The following IGSF10 variants were observed in gnomAD, a reference collection of about 807,000 sequenced individuals.
The protein encoded by IGSF10 is immunoglobulin superfamily member 10, also known as calvaria mechanical force protein 608.
Under a neutral mutation model 128.2 loss-of-function variants are expected in IGSF10, and 126 were observed. That is an observed-to-expected ratio of 0.98 (90% CI 0.85 to 1.14). The LOEUF (loss-of-function observed/expected upper bound fraction) is 1.14. Ranked by LOEUF, IGSF10 falls within the 50% of genes most tolerant of loss-of-function variation. IGSF10 has a pLI of 0.00. For synonymous variants in IGSF10, 1,185 were observed against 1,146.2 expected, an observed-to-expected ratio of 1.03 and a Z score of -0.68; for missense variants, 3,295 against 3,149.8, an observed-to-expected ratio of 1.05 and a Z score of -1.10.
chr3:151,534,289 C>A, the IGSF10 span, among the ~76,000 whole-genome samples: 1 of 152,160 alleles, frequency 6.6e-6, no homozygotes, highest in Non-Finnish European at 1.5e-5. Flanking sequence ...TTTGACCCAG[C>A]AATCCCATTA....
rs780601497 is a variant in IGSF10, at chr3:151,460,987, A to AGGTCCCGGGCTC, written c.-142_-131dup. On this transcript the variant is annotated 5_prime_UTR_variant, in exon 1 of 8. Transcript: ENST00000282466. The stretch of plus-strand genomic sequence containing the variant: ...CCAATGGGCTCGAGCTGCCCGGGCT[A>AGGTCCCGGGCTC]GGTCCCGGGCTCGGTCCCGGGCTCA... 1.8e-5 allele frequency: 18 copies of AGGTCCCGGGCTC among 984,528 alleles called. No individual in the cohort carries two copies. Among genetic ancestry groups the AGGTCCCGGGCTC allele is most frequent in the Admixed American group, 1.2e-4 (2 of 16,252 alleles). 61.0% of individuals were successfully genotyped at this position (984,528 alleles called of 1,614,324 possible).
rs140792799 is a variant in IGSF10 at position 151,436,752 on chromosome 3, G to A, written c.7809C>T (p.Tyr2603=). The change falls in exon 8 of 8, where the codon TAC becomes TAT. Residue 2603 remains tyrosine, a synonymous_variant. Coordinates refer to ENST00000282466, the MANE Select transcript of IGSF10 (RefSeq NM_178822.5). ...QNPQTSDSGI[Y]KCTAKNPLGS... is the part of the protein sequence containing the mutation. The stretch of plus-strand genomic sequence containing the variant: ...CAAGTGGGTTCTTTGCTGTGCATTT[G>A]TATATCCCAGAATCGGAGGTTTGGG... 57 of 1,613,978 alleles carry A rather than the reference G, an allele frequency of 3.5e-5. No individual in the cohort carries two copies. The African/African-American group carries it at 6.9e-4, about 20-fold the overall frequency.
At chr3:151,497,437 C>T in the IGSF10 span, among the ~76,000 whole-genome samples, 125,234 of 152,128 alleles carry the variant, frequency 0.82, 51,628 homozygotes, top group Middle Eastern at 0.93. Flanking sequence ...TAGGGAATCC[C>T]TTCCCCATTG....
At chr3:151,553,452 C>G in the IGSF10 span, among the ~76,000 whole-genome samples, 1 of 151,962 alleles carries the variant, frequency 6.6e-6, no homozygotes, top group Non-Finnish European at 1.5e-5. Context: ...TAAAGCAATA[C>G]TTAGATTCAG....
chr3:151,504,056 C>T, the IGSF10 span, among the ~76,000 whole-genome samples: 13 of 152,146 alleles, frequency 8.5e-5, no homozygotes, highest in African/African-American at 2.9e-4. Context: ...CTGCATGACA[C>T]CAAAACCATA....
At chr3:151,519,493 G>A in the IGSF10 span, among the ~76,000 whole-genome samples, 1 of 151,652 alleles carries the variant, frequency 6.6e-6, no homozygotes, top group Non-Finnish European at 1.5e-5. Context: ...TTTTATTTAG[G>A]TTTAGTGGGA....
chr3:151,437,826 A>AGTT lies in IGSF10; in HGVS notation c.6732_6734dup (p.Thr2245dup). 1 of 1,614,018 alleles carries AGTT rather than the reference A, an allele frequency of 6.2e-7. No homozygotes were observed. The highest frequency in any genetic ancestry group is 8.5e-7 in the Non-Finnish European group (1 of 1,180,008). ...GTCTCACAGCTGTGGCTTTAATAAC[A>AGTT]GTTCTGTTTGTATACAGACCATTGA... is the stretch of plus-strand genomic sequence containing the variant. On this transcript the variant is annotated inframe_insertion, in exon 8 of 8. Coordinates refer to ENST00000282466, the MANE Select transcript of IGSF10 (RefSeq NM_178822.5).
Position 151,445,967 on chromosome 3 carries a change from T to C in IGSF10, c.4014A>G (p.Arg1338=). 1 of 1,614,170 alleles carries C rather than the reference T, an allele frequency of 6.2e-7. No homozygotes were observed. The change falls in exon 6 of 8, where the codon AGA becomes AGG. Residue 1338 remains arginine, a synonymous_variant. Transcript: ENST00000282466. The part of the protein sequence containing the change: ...SVITYETQTE[R]SRAQTIQREQ... ...CTCTTTGTATTGTTTGTGCTCTAGA[T>C]CTCTCTGTTTGGGTTTCATAAGTGA...
chr3:151,494,122 C>T, the IGSF10 span, among the ~76,000 whole-genome samples: 2 of 152,020 alleles, frequency 1.3e-5, no homozygotes, highest in Admixed American at 6.6e-5. Context: ...TAAGATACCA[C>T]ATCTACAACT....
intron 4 of IGSF10, among the ~76,000 whole-genome samples, 158 bp from the exon 5 acceptor site, chr3:151,453,932 T>C (rs896718384): frequency 1.3e-5 from 2 of 152,112 alleles, no homozygotes; most frequent in East Asian, 1.9e-4. Context: ...AAATTAAATA[T>C]GACAATATCA....
At chr3:151,572,364 T>C in the IGSF10 span, among the ~76,000 whole-genome samples, 4 of 152,202 alleles carry the variant, frequency 2.6e-5, no homozygotes, top group Admixed American at 2.6e-4. Context: ...CTTTTTTTAG[T>C]TGGTAGGCTA....
chr3:151,602,724 C>T, the IGSF10 span, among the ~76,000 whole-genome samples: 1 of 152,032 alleles, frequency 6.6e-6, no homozygotes, highest in African/African-American at 2.4e-5. Context: ...TCTCCATGCA[C>T]CTTCATACTT....
rs371561405 is a variant in IGSF10 at position 151,443,669 on chromosome 3, C to A, written c.5278G>T (p.Gly1760Ter). ...RRTKEITVHS[G>*]STVELKCRAE... ...CTGCACTTCAGTTCCACAGTGCTTC[C>A]GGAATGAACTGTGATCTCTTTGGTA... The change falls in exon 7 of 8, where the codon GGA becomes TGA. Residue 1760 changes from glycine to a stop codon, truncating the protein, a stop_gained. Transcript: ENST00000282466. LOFTEE classifies it high-confidence loss of function. 1.2e-5 allele frequency: 19 copies of A among 1,614,004 alleles called. No individual in the cohort carries two copies. In the African/African-American group the frequency reaches 2.1e-4, roughly 18 times the overall value.
chr3:151,503,378 G>A, the IGSF10 span, among the ~76,000 whole-genome samples: 2 of 151,876 alleles, frequency 1.3e-5, no homozygotes, highest in African/African-American at 2.4e-5. Context: ...GTAATATAAT[G>A]TAAACTTAGA....
the IGSF10 span, among the ~76,000 whole-genome samples, chr3:151,495,299 A>G: frequency 6.6e-6 from 1 of 152,154 alleles, no homozygotes; most frequent in Non-Finnish European, 1.5e-5. Context: ...AATTCTAACT[A>G]TATTCTCATA....
At chr3:151,440,712 G>GAC (rs1720802208) in intron 7 of IGSF10, 1 of 362,850 alleles carries the variant, frequency 2.8e-6, no homozygotes, top group Admixed American at 2.8e-5. Flanking sequence ...AAATAATAAT[G>GAC]ATGTCTGAGT....
the IGSF10 span, among the ~76,000 whole-genome samples, chr3:151,607,686 C>T: frequency 6.6e-6 from 1 of 151,626 alleles, no homozygotes; most frequent in Non-Finnish European, 1.5e-5. Context: ...CTGAGGCGGG[C>T]GGATCACGAG....
In IGSF10 at chr3:151,446,844, GA is replaced by G. The variant is rs1336223958; in HGVS notation, c.3136del (p.Ser1046LeufsTer16). The part of the protein sequence containing the change: ...YSIFRSTTRG[S>X]SEKSTTAFSA... The stretch of plus-strand genomic sequence containing the variant: ...GAATGCAGTAGTGCTTTTTTCAGAA[GA>G]ACCTCTGGTTGTTGACCTGAAAATG... On this transcript the variant is annotated frameshift_variant, in exon 6 of 8. Transcript: ENST00000282466. LOFTEE classifies it high-confidence loss of function. 6 of 1,614,046 alleles carry G rather than the reference GA, an allele frequency of 3.7e-6. No individual in the cohort carries two copies. Among genetic ancestry groups the G allele is most frequent in the Non-Finnish European group, 5.1e-6 (6 of 1,180,040 alleles).
the IGSF10 span, among the ~76,000 whole-genome samples, chr3:151,578,451 C>G: frequency 6.6e-6 from 1 of 152,168 alleles, no homozygotes; most frequent in Non-Finnish European, 1.5e-5. Flanking sequence ...ATTGGTCTAA[C>G]AAGCCATAGT....
Sources: allele counts gnomAD v4.1 joint callset (sites outside exome capture counted in the v4.1 genomes callset), GRCh38; gene constraint gnomAD v4.1.1; transcripts MANE v1.5; gene names NCBI Gene and HGNC (gene_info 2026-07-23, HGNC 2026-07-21).